Variants in NBPF3 observed in about 807,000 individuals in gnomAD.
NBPF3 encodes the protein NBPF member 3.
A neutral mutation model predicts 78.1 loss-of-function variants in NBPF3; 57 were observed. The ratio of observed to expected loss-of-function variants is 0.73; its 90% CI spans 0.59 to 0.91. NBPF3 has a LOEUF of 0.91. Ranked by LOEUF, NBPF3 falls within the 40% of genes least tolerant of loss-of-function variation. The probability of loss-of-function intolerance (pLI) is 0.00; values close to 1 mark genes in which losing one functional copy is unlikely to be tolerated. For missense variants in NBPF3, 510 were observed against 715.3 expected (o/e 0.71, Z 3.27); for synonymous variants, 182 against 271.7 (o/e 0.67, Z 3.25).
At chr1:21,444,054 C>T (rs1465001928) in intron 1 of NBPF3, among the ~76,000 whole-genome samples, 4 of 152,040 alleles carry the variant, frequency 2.6e-5, no homozygotes, top group South Asian at 2.1e-4. Context: ...TATAAGCTAC[C>T]GGCAATTAGA....
chr1:21,471,340 A>T (rs1425291296), intron 4 of NBPF3, among the ~76,000 whole-genome samples: 2 of 152,216 alleles, frequency 1.3e-5, no homozygotes, highest in Non-Finnish European at 2.9e-5. Context: ...GAAGAGAAAG[A>T]TGAATGGAAC....
chr1:21,462,589 A>G (rs1642012758), intron 2 of NBPF3, among the ~76,000 whole-genome samples: 3 of 152,226 alleles, frequency 2.0e-5, no homozygotes, highest in Non-Finnish European at 2.9e-5. Flanking sequence ...CAAAGACAAA[A>G]AAGTATAATA....
At chr1:21,457,778 T>C (rs1330538388) in intron 2 of NBPF3, among the ~76,000 whole-genome samples, 1 of 152,200 alleles carries the variant, frequency 6.6e-6, no homozygotes, top group Non-Finnish European at 1.5e-5. Context: ...GTACACACTA[T>C]GTGTGCACAT....
rs1479540855 is a variant in NBPF3, at chr1:21,460,733, C to T, written c.134-7955C>T. Among the ~76,000 whole-genome samples the T allele has an allele frequency of 1.3e-5, 2 of 152,168 alleles. No homozygotes were observed. Among genetic ancestry groups the T allele is most frequent in the Non-Finnish European group, 2.9e-5 (2 of 68,032 alleles). The stretch of plus-strand genomic sequence containing the variant: ...CTTAGACTAGATACTGTAACACTCA[C>T]CACAATAAGAAATCAAGCAAATTGC... On this transcript the variant is annotated intron_variant, in intron 2 of 14. Coordinates refer to ENST00000318249, the MANE Select transcript of NBPF3 (RefSeq NM_032264.6). The surrounding 1 kb of genome is among the most constrained non-coding windows in gnomAD (Gnocchi z 4.2).
At chr1:21,467,764 T>G (rs1395122863) in intron 2 of NBPF3, among the ~76,000 whole-genome samples, 1 of 152,160 alleles carries the variant, frequency 6.6e-6, no homozygotes, top group Admixed American at 6.5e-5. Flanking sequence ...TGAAAAGAGC[T>G]CTTGTGATAC....
intron 1 of NBPF3, among the ~76,000 whole-genome samples, chr1:21,441,416 G>T (rs1640639432): frequency 6.6e-6 from 1 of 152,096 alleles, no homozygotes; most frequent in African/African-American, 2.4e-5. Context: ...AATTTTAAAT[G>T]TGCAGGGGGC....
chr1:21,461,535 G>A (rs1415768173), intron 2 of NBPF3, among the ~76,000 whole-genome samples: 1 of 152,100 alleles, frequency 6.6e-6, no homozygotes, highest in Non-Finnish European at 1.5e-5. Flanking sequence ...GCAGTGGCAC[G>A]ATCTCGGCTC....
intron 3 of NBPF3, 93 bp downstream of exon 3, chr1:21,468,990 C>A: frequency 1.0e-6 from 1 of 1,000,384 alleles, no homozygotes; most frequent in Non-Finnish European, 1.5e-6. Flanking sequence ...AAAATAAGTT[C>A]AACCCTCCCA....
In NBPF3 at chr1:21,443,970, C is replaced by T. The variant is rs556737644; in HGVS notation, c.-139-978C>T. 1.6e-3 allele frequency among the ~76,000 whole-genome samples: 243 copies of T among 152,234 alleles called. 1 individual carries two copies. The highest frequency in any genetic ancestry group is 5.0e-3 in the African/African-American group (207 of 41,540). The stretch of plus-strand genomic sequence containing the variant: ...TTAAAAGATTTACTAAAATCTCTTA[C>T]GGCTGTTATTTATGAATATAGTATT... On this transcript the variant is annotated intron_variant, in intron 1 of 14. Coordinates refer to ENST00000318249, the MANE Select transcript of NBPF3 (RefSeq NM_032264.6).
At chr1:21,457,199 T>G (rs1314722395) in intron 2 of NBPF3, among the ~76,000 whole-genome samples, 1 of 151,968 alleles carries the variant, frequency 6.6e-6, no homozygotes, top group South Asian at 2.1e-4. Flanking sequence ...TATGTATGTG[T>G]GTGGGTGGGT....
intron 9 of NBPF3, 139 bp downstream of exon 9, chr1:21,478,446 A>C: frequency 9.5e-7 from 1 of 1,057,554 alleles, no homozygotes; most frequent in Admixed American, 1.7e-5. Flanking sequence ...GTAGATTTCA[A>C]TCACTCTGGA....
intron 2 of NBPF3, chr1:21,449,953 A>AT (rs113977515): frequency 0.016 from 4,348 of 278,458 alleles, 192 homozygotes; most frequent in African/African-American, 0.091. Flanking sequence ...GGATTGATTG[A>AT]TTTTTTCTCT....
At chr1:21,462,895 C>T (rs527996634) in intron 2 of NBPF3, among the ~76,000 whole-genome samples, 11 of 152,278 alleles carry the variant, frequency 7.2e-5, no homozygotes, top group Admixed American at 2.6e-4. Flanking sequence ...TAAATATGAT[C>T]GCATGGCAGT....
At chr1:21,471,049 T>A (rs148958130) in intron 4 of NBPF3, among the ~76,000 whole-genome samples, 437 of 132,538 alleles carry the variant, frequency 3.3e-3, no homozygotes, top group Non-Finnish European at 6.0e-3. Context: ...TGATGTGCCA[T>A]CACCACCCCA....
chr1:21,472,800 T>G (rs771871907), intron 5 of NBPF3, 43 bp from the exon 6 acceptor site: 1 of 1,383,726 alleles, frequency 7.2e-7, no homozygotes, highest in Admixed American at 1.7e-5. Context: ...GCTTGCAGAG[T>G]GTGAATTGGG....
Position 21,468,691 on chromosome 1 carries a change from C to T in NBPF3, c.137C>T (p.Pro46Leu). 1 of 1,613,264 alleles carries T rather than the reference C, an allele frequency of 6.2e-7. No individual in the cohort carries two copies. Among genetic ancestry groups the T allele is most frequent in the Non-Finnish European group, 8.5e-7 (1 of 1,179,312 alleles). The change falls in exon 3 of 15, where the codon CCT becomes CTT. Residue 46 changes from proline (P) to leucine (L), a missense_variant. Coordinates refer to ENST00000318249, the MANE Select transcript of NBPF3 (RefSeq NM_032264.6). ...RHQELRDPTVPGPTSSATNVS... is the reference protein window; with the variant it reads ...RHQELRDPTVLGPTSSATNVS... ...TGTTTGGGTGTCTTCTCCCCAGTCCCTGGCCCCACCTCTTCTGCCACAAAC... is the reference window on the plus strand; with the variant it reads ...TGTTTGGGTGTCTTCTCCCCAGTCCTTGGCCCCACCTCTTCTGCCACAAAC...
chr1:21,473,431 G>A lies in NBPF3; in HGVS notation c.786G>A (p.Glu262=), dbSNP rs80145424. 38,954 of 1,614,204 alleles carry A rather than the reference G, an allele frequency of 0.024. 922 individuals carry two copies. Among genetic ancestry groups the A allele is most frequent in the Admixed American group, 0.088 (5,310 of 60,026 alleles). ...AAGTCCCTGAGGACTCACTGGAGGA[G>A]TGTGCCATCACTTGTTCAAATAGCC... ...EKEVPEDSLE[E]CAITCSNSHH... is the part of the protein sequence containing the mutation. The change falls in exon 7 of 15, where the codon GAG becomes GAA. Residue 262 remains glutamate, a synonymous_variant. Transcript: ENST00000318249.
intron 2 of NBPF3, among the ~76,000 whole-genome samples, chr1:21,459,210 C>T (rs1214302838): frequency 3.3e-5 from 5 of 152,110 alleles, no homozygotes; most frequent in Admixed American, 6.5e-5. Flanking sequence ...AATGTAAAAG[C>T]TAATTTCAAA....
intron 2 of NBPF3, among the ~76,000 whole-genome samples, chr1:21,448,218 C>T (rs1160563606): frequency 1.3e-5 from 2 of 152,116 alleles, no homozygotes; most frequent in African/African-American, 4.8e-5. Flanking sequence ...AACCCAAGAT[C>T]CCCAAGATTT....
Sources: allele counts gnomAD v4.1 joint callset (sites outside exome capture counted in the v4.1 genomes callset), GRCh38; gene constraint gnomAD v4.1.1; non-coding constraint Gnocchi (gnomAD v3.1); transcripts MANE v1.5; gene names NCBI Gene and HGNC (gene_info 2026-07-23, HGNC 2026-07-21).